The following FA2H variants were observed in gnomAD, a reference collection of about 807,000 sequenced individuals.
The protein encoded by FA2H is fatty acid alpha-hydroxylase.
Under a neutral mutation model 44.9 loss-of-function variants are expected in FA2H, and 22 were observed. The observed-to-expected ratio is 0.49, with a 90% CI of 0.35 to 0.70. The LOEUF is 0.70. FA2H is among the 30% of genes least tolerant of loss of function. The pLI, the probability that FA2H is intolerant of heterozygous loss-of-function variation, is 0.01. For synonymous variants in FA2H, 243 were observed against 213.2 expected (o/e 1.14, Z -1.22); for missense variants, 501 against 504.9 (o/e 0.99, Z 0.07).
intron 1 of FA2H, among the ~76,000 whole-genome samples, chr16:74,762,720 G>A (rs1228880917): frequency 6.6e-6 from 1 of 151,990 alleles, no homozygotes; most frequent in Non-Finnish European, 1.5e-5. Flanking sequence ...AGTAGAGATG[G>A]GGTTTCACCA....
chr16:74,752,063 G>A (rs539922798), intron 1 of FA2H, among the ~76,000 whole-genome samples: 22 of 152,104 alleles, frequency 1.4e-4, no homozygotes, highest in African/African-American at 5.3e-4. Flanking sequence ...CCTTTCCCTC[G>A]CTGCTGACAT....
chr16:74,768,224 T>C (rs914194995), intron 1 of FA2H, among the ~76,000 whole-genome samples: 1 of 152,246 alleles, frequency 6.6e-6, no homozygotes, highest in African/African-American at 2.4e-5. Flanking sequence ...TGTTTCTTTT[T>C]ATTTCCTCCA....
chr16:74,717,926 G>A (rs1271154579), intron 5 of FA2H, among the ~76,000 whole-genome samples: 1 of 152,214 alleles, frequency 6.6e-6, no homozygotes, highest in Non-Finnish European at 1.5e-5. Context: ...AGTGAGCTCT[G>A]CAGAGCAGAG....
intron 1 of FA2H, among the ~76,000 whole-genome samples, chr16:74,762,798 G>T (rs1279588600): frequency 6.6e-6 from 1 of 152,196 alleles, no homozygotes; most frequent in African/African-American, 2.4e-5. Context: ...AAAGTTCTGG[G>T]ATTACAGGCA....
intron 1 of FA2H, among the ~76,000 whole-genome samples, chr16:74,747,224 T>C (rs1405203517): frequency 1.3e-5 from 2 of 151,962 alleles, no homozygotes; most frequent in Non-Finnish European, 2.9e-5. Flanking sequence ...GGCAGGAGAA[T>C]TGCTTGAACC....
chr16:74,765,831 G>A (rs1031349115), intron 1 of FA2H, among the ~76,000 whole-genome samples: 1 of 152,140 alleles, frequency 6.6e-6, no homozygotes, highest in Non-Finnish European at 1.5e-5. Context: ...TGTGATTACA[G>A]GTATGAGCCC....
Position 74,774,698 on chromosome 16 carries a change from G to A in FA2H, c.58C>T (p.Leu20=). The A allele has an allele frequency of 7.3e-7, 1 of 1,377,896 alleles. No individual in the cohort carries two copies. The highest frequency in any genetic ancestry group is 3.1e-5 in the East Asian group (1 of 32,380). The allele number at this position is 1,377,896 out of a possible 1,614,324, so 85.4% of individuals were successfully genotyped here. ...SFSPSEVQRR[L]AAGACWVRRG... is the part of the protein sequence containing the mutation. Reference sequence around the variant, plus strand: ...CGGACCCAGCACGCGCCGGCCGCCAGGCGCCGCTGGACCTCGGAGGGCGAG... The same window carrying A: ...CGGACCCAGCACGCGCCGGCCGCCAAGCGCCGCTGGACCTCGGAGGGCGAG... The change falls in exon 1 of 7, where the codon CTG becomes TTG. Residue 20 remains leucine, a synonymous_variant. Coordinates refer to ENST00000219368, the MANE Select transcript of FA2H (RefSeq NM_024306.5).
chr16:74,718,278 T>C (rs8047410), intron 5 of FA2H, among the ~76,000 whole-genome samples: 11,173 of 152,290 alleles, frequency 0.073, 827 homozygotes, highest in African/African-American at 0.19. Flanking sequence ...CTCTGATTTA[T>C]GCCCAGCAGA....
rs1961613365 is a variant in FA2H, at chr16:74,713,083, A to C, written c.*1107T>G. On this transcript the variant is annotated 3_prime_UTR_variant, in exon 7 of 7. Transcript: ENST00000219368. The stretch of plus-strand genomic sequence containing the variant: ...CTCCGCAGCAAACAGTACAAATCAC[A>C]AGGTCCGTCAAACTGCTTCTCTTTA... 6.6e-6 allele frequency: 1 copy of C among 152,654 alleles called. No homozygotes were observed. The allele number at this position is 152,654 out of a possible 1,614,324, so 9.5% of individuals were successfully genotyped here.
intron 1 of FA2H, among the ~76,000 whole-genome samples, chr16:74,760,913 A>G (rs1383901105): frequency 6.6e-6 from 1 of 152,170 alleles, no homozygotes; most frequent in African/African-American, 2.4e-5. Flanking sequence ...ACAGGTTCCT[A>G]CATCTACTCC....
chr16:74,741,773 A>AATATATATATAT lies in FA2H; in HGVS notation c.271-1670_271-1659dup, dbSNP rs57773726. On this transcript the variant is annotated intron_variant, in intron 1 of 6. Transcript: ENST00000219368. ...ACCGTGCTGGGCCAACACCTGATTA[A>AATATATATATAT]ATATATATATATATATATATATATA... is the stretch of plus-strand genomic sequence containing the variant. 8.6e-3 allele frequency among the ~76,000 whole-genome samples: 412 copies of AATATATATATAT among 47,876 alleles called. 8 individuals are homozygous for AATATATATATAT. The highest frequency in any genetic ancestry group is 0.011 in the Non-Finnish European group (311 of 27,524). The allele number at this position is 47,876 out of a possible 152,430, so 31.4% of individuals were successfully genotyped here.
intron 4 of FA2H, among the ~76,000 whole-genome samples, chr16:74,722,927 A>G (rs1299176046): frequency 2.6e-5 from 4 of 152,046 alleles, no homozygotes; most frequent in Admixed American, 6.5e-5. Context: ...AAAAAAAAAA[A>G]AAAAAAATCT....
intron 1 of FA2H, among the ~76,000 whole-genome samples, chr16:74,743,244 C>T (rs1365872886): frequency 6.6e-6 from 1 of 152,202 alleles, no homozygotes; most frequent in Admixed American, 6.5e-5. Flanking sequence ...TTGGCTCAAG[C>T]TGGTTGATGT....
intron 2 of FA2H, among the ~76,000 whole-genome samples, chr16:74,731,091 G>A (rs1187447767): frequency 6.6e-6 from 1 of 151,662 alleles, no homozygotes; most frequent in Non-Finnish European, 1.5e-5. Context: ...TACATTTAAG[G>A]TGCATCTCTT....
intron 1 of FA2H, chr16:74,741,344 G>A (rs1444781309): frequency 6.6e-6 from 1 of 152,250 alleles, no homozygotes; most frequent in Non-Finnish European, 1.5e-5. Context: ...ACCTGATGGT[G>A]ACAGTGACTA....
At chr16:74,727,415 T>A (rs1342090603) in intron 2 of FA2H, 29 bp from the exon 3 acceptor site, 1 of 1,612,730 alleles carries the variant, frequency 6.2e-7, no homozygotes, top group East Asian at 2.2e-5. Flanking sequence ...AGTGGACGTT[T>A]GATATTCACG....
chr16:74,724,993 A>G (rs1239949660), intron 4 of FA2H, among the ~76,000 whole-genome samples: 1 of 152,002 alleles, frequency 6.6e-6, no homozygotes, highest in Non-Finnish European at 1.5e-5. Context: ...ACTGTTTGTG[A>G]TTGTTAGGGG....
intron 5 of FA2H, among the ~76,000 whole-genome samples, chr16:74,717,433 G>A (rs1961731612): frequency 6.6e-6 from 1 of 152,230 alleles, no homozygotes; most frequent in South Asian, 2.1e-4. Context: ...GAGAGCTGGG[G>A]AATGAGGGAG....
chr16:74,763,525 C>T (rs371397335), intron 1 of FA2H, among the ~76,000 whole-genome samples: 5 of 152,040 alleles, frequency 3.3e-5, no homozygotes, highest in African/African-American at 4.8e-5. Flanking sequence ...CCCAAAGTGC[C>T]GGGATTACAG....
Sources: gnomAD v4.1 joint callset for allele counts (sites outside exome capture counted in the v4.1 genomes callset) on GRCh38, gnomAD v4.1.1 for gene constraint, MANE v1.5 for transcripts, NCBI Gene and HGNC (gene_info 2026-07-23, HGNC 2026-07-21) for gene names.